VWC2L: variants seen among roughly 807,000 people sequenced by gnomAD.
VWC2L encodes the protein von Willebrand factor C domain-containing protein 2-like.
Under a neutral mutation model 21.6 loss-of-function variants are expected in VWC2L, and 10 were observed. The ratio of observed to expected loss-of-function variants is 0.46; its 90% CI spans 0.29 to 0.78. The LOEUF is 0.78. Among genes scored for constraint, VWC2L ranks in the 30% least tolerant of loss-of-function variants. The pLI, the probability that VWC2L is intolerant of heterozygous loss-of-function variation, is 0.10. For synonymous variants in VWC2L, 96 were observed against 94.3 expected, an observed-to-expected ratio of 1.02 and a Z score of -0.10; for missense variants, 209 against 277.1, an observed-to-expected ratio of 0.75 and a Z score of 1.74.
intron 3 of VWC2L, among the ~76,000 whole-genome samples, chr2:214,440,777 T>TATAAA (rs1702754480): frequency 2.0e-5 from 3 of 152,134 alleles, no homozygotes; most frequent in Admixed American, 1.3e-4. Flanking sequence ...GAATCCATAT[T>TATAAA]TATAGAATGC....
chr2:214,533,035 T>G (rs1483492422), intron 3 of VWC2L, among the ~76,000 whole-genome samples: 1 of 151,880 alleles, frequency 6.6e-6, no homozygotes, highest in Non-Finnish European at 1.5e-5. Flanking sequence ...ACTTCTTTTA[T>G]AGACTGAAAC....
At chr2:214,572,730 C>A (rs1690170802) in intron 3 of VWC2L, among the ~76,000 whole-genome samples, 2 of 152,176 alleles carry the variant, frequency 1.3e-5, no homozygotes, top group African/African-American at 4.8e-5. Flanking sequence ...AGACTATTAA[C>A]AGCAAACTTG....
At chr2:214,451,203 A>G (rs574940260) in intron 3 of VWC2L, among the ~76,000 whole-genome samples, 1 of 152,076 alleles carries the variant, frequency 6.6e-6, no homozygotes, top group South Asian at 2.1e-4. Context: ...AGGCCTCCAG[A>G]AATTCTGTTG....
rs1702262329 is a variant in VWC2L at position 214,411,135 on chromosome 2, A to G, written c.-732A>G. 1 of 152,158 alleles carries G rather than the reference A, an allele frequency of 6.6e-6. No homozygotes were observed. Among genetic ancestry groups the G allele is most frequent in the Admixed American group, 6.5e-5 (1 of 15,280 alleles). The allele number at this position is 152,158 out of a possible 1,614,324, so 9.4% of individuals were successfully genotyped here. On this transcript the variant is annotated 5_prime_UTR_variant, in exon 1 of 4. Coordinates refer to ENST00000312504, the MANE Select transcript of VWC2L (RefSeq NM_001080500.4). ...TTGGCGCTGTCCGTGGTGCTGAGGAATTCCCGGCTGCCGGCAGAATGAGCT... is the reference window on the plus strand; with the variant it reads ...TTGGCGCTGTCCGTGGTGCTGAGGAGTTCCCGGCTGCCGGCAGAATGAGCT...
chr2:214,528,682 C>G lies in VWC2L; in HGVS notation c.521-46990C>G, dbSNP rs183927737. Reference sequence around the variant, plus strand: ...ATCACTACAGAGCAAAGCAGTCTGTCAAAACCCATGTTCGTGATGTCAAAA... The same window carrying G: ...ATCACTACAGAGCAAAGCAGTCTGTGAAAACCCATGTTCGTGATGTCAAAA... On this transcript the variant is annotated intron_variant, in intron 3 of 3. Coordinates refer to ENST00000312504, the MANE Select transcript of VWC2L (RefSeq NM_001080500.4). Among the ~76,000 whole-genome samples the G allele has an allele frequency of 3.9e-5, 6 of 152,106 alleles. No homozygotes were observed. The East Asian group carries it at 1.2e-3, about 29-fold the overall frequency.
chr2:214,558,709 T>C (rs935018705), intron 3 of VWC2L, among the ~76,000 whole-genome samples: 6 of 152,088 alleles, frequency 3.9e-5, no homozygotes, highest in African/African-American at 1.4e-4. Context: ...CTGCAACAAC[T>C]CATTATCCAC....
chr2:214,430,492 T>C (rs1702584283), intron 2 of VWC2L, among the ~76,000 whole-genome samples: 2 of 152,184 alleles, frequency 1.3e-5, no homozygotes, highest in Admixed American at 1.3e-4. Context: ...ATATACCTTA[T>C]ATACACTACT....
At chr2:214,515,895 C>T (rs1295031211) in intron 3 of VWC2L, among the ~76,000 whole-genome samples, 4 of 152,144 alleles carry the variant, frequency 2.6e-5, no homozygotes, top group African/African-American at 4.8e-5. Flanking sequence ...ATTTTATTGA[C>T]TGAAGCAGAA....
intron 3 of VWC2L, among the ~76,000 whole-genome samples, chr2:214,447,309 A>AC (rs1230786898): frequency 6.6e-6 from 1 of 151,930 alleles, no homozygotes; most frequent in East Asian, 1.9e-4. Context: ...GTCCACAGTG[A>AC]CCCCCAAGCT....
chr2:214,416,702 C>A (rs1043672564), intron 2 of VWC2L, among the ~76,000 whole-genome samples: 1 of 152,156 alleles, frequency 6.6e-6, no homozygotes, highest in African/African-American at 2.4e-5. Context: ...CCAAATTCAT[C>A]ACTTGGATAT....
Position 214,575,942 on chromosome 2 carries a change from C to T in VWC2L, c.*122C>T. The T allele has an allele frequency of 8.6e-7, 1 of 1,165,080 alleles. No individual in the cohort carries two copies. Among genetic ancestry groups the T allele is most frequent in the Non-Finnish European group, 1.2e-6 (1 of 837,036 alleles). 72.2% of individuals were successfully genotyped at this position (1,165,080 alleles called of 1,614,324 possible). On this transcript the variant is annotated 3_prime_UTR_variant, in exon 4 of 4. Transcript: ENST00000312504. Reference sequence around the variant, plus strand: ...AGCTACAACAGGGTCACCAGCAAAACTTTCTAGGGTTGACAAAAGTGAATA... The same window carrying T: ...AGCTACAACAGGGTCACCAGCAAAATTTTCTAGGGTTGACAAAAGTGAATA...
chr2:214,444,908 G>A (rs1423994356), intron 3 of VWC2L, among the ~76,000 whole-genome samples: 3 of 151,758 alleles, frequency 2.0e-5, no homozygotes, highest in Non-Finnish European at 4.4e-5. Flanking sequence ...AAATCATAAC[G>A]GTATGTTGAA....
intron 3 of VWC2L, among the ~76,000 whole-genome samples, chr2:214,565,037 C>T (rs1690040975): frequency 6.6e-6 from 1 of 152,148 alleles, no homozygotes; most frequent in South Asian, 2.1e-4. Context: ...ATTATACCCA[C>T]TTATCTGCAT....
chr2:214,494,552 G>A (rs1178774637), intron 3 of VWC2L, among the ~76,000 whole-genome samples: 3 of 152,100 alleles, frequency 2.0e-5, no homozygotes, highest in Non-Finnish European at 4.4e-5. Flanking sequence ...TCTCATGTTT[G>A]TGACAGTGTC....
At chr2:214,471,049 T>G (rs1253597945) in intron 3 of VWC2L, among the ~76,000 whole-genome samples, 1 of 151,988 alleles carries the variant, frequency 6.6e-6, no homozygotes, top group Non-Finnish European at 1.5e-5. Flanking sequence ...TTTTTCCCCA[T>G]GAGTTTAAAT....
chr2:214,447,647 T>C (rs1404398520), intron 3 of VWC2L, among the ~76,000 whole-genome samples: 2 of 152,052 alleles, frequency 1.3e-5, no homozygotes, highest in Non-Finnish European at 2.9e-5. Context: ...CATCCTTAAA[T>C]GTAAATGCCT....
chr2:214,546,200 C>T (rs1689704111), intron 3 of VWC2L, among the ~76,000 whole-genome samples: 1 of 152,154 alleles, frequency 6.6e-6, no homozygotes, highest in African/African-American at 2.4e-5. Context: ...AGTATTGAAT[C>T]TTTCATTTTC....
At chr2:214,568,252 T>G (rs1209220769) in intron 3 of VWC2L, among the ~76,000 whole-genome samples, 1 of 152,216 alleles carries the variant, frequency 6.6e-6, no homozygotes, top group Non-Finnish European at 1.5e-5. Context: ...TGTGTCATTT[T>G]TATCTCCTCC....
rs761759449 is a variant in VWC2L, at chr2:214,421,885, C to CTTTTTTTTTTTTTTTTTTTTTTTTTTTT, written c.390+7326_390+7327insTTTTTTTTTTTTTTTTTTTTTTTTTTTT. Among the ~76,000 whole-genome samples, 12 of 76,166 alleles carry CTTTTTTTTTTTTTTTTTTTTTTTTTTTT rather than the reference C, an allele frequency of 1.6e-4. 1 individual carries two copies. The highest frequency in any genetic ancestry group is 4.7e-4 in the South Asian group (1 of 2,140). The allele number at this position is 76,166 out of a possible 152,430, so 50.0% of individuals were successfully genotyped here. On this transcript the variant is annotated intron_variant, in intron 2 of 3. Transcript: ENST00000312504. ...CATAATTTTTTTCTATTTCCTACAT[C>CTTTTTTTTTTTTTTTTTTTTTTTTTTTT]TTTTTTTTTTTTTTTTTTTTTTTTG...
Sources: allele counts gnomAD v4.1 joint callset (sites outside exome capture counted in the v4.1 genomes callset), GRCh38; gene constraint gnomAD v4.1.1; transcripts MANE v1.5; gene names NCBI Gene and HGNC (gene_info 2026-07-23, HGNC 2026-07-21).